PARD3B: variants seen among roughly 807,000 people sequenced by gnomAD.
PARD3B encodes the protein partitioning defective 3 homolog B.
Under a neutral mutation model 130.2 loss-of-function variants are expected in PARD3B, and 103 were observed. The ratio of observed to expected loss-of-function variants is 0.79; its 90% CI spans 0.67 to 0.93. The LOEUF (loss-of-function observed/expected upper bound fraction) is 0.93. Ranked by LOEUF, PARD3B falls within the 40% of genes least tolerant of loss-of-function variation. PARD3B has a pLI of 0.00. For synonymous variants in PARD3B, 583 were observed against 553.2 expected (o/e 1.05, Z -0.76); for missense variants, 1,609 against 1,499.2 (o/e 1.07, Z -1.21).
chr2:204,545,949 C>T lies in PARD3B; in HGVS notation c.-51C>T. 2 of 1,480,670 alleles carry T rather than the reference C, an allele frequency of 1.4e-6. No individual in the cohort carries two copies. 91.7% of individuals were successfully genotyped at this position (1,480,670 alleles called of 1,614,324 possible). On this transcript the variant is annotated 5_prime_UTR_variant, in exon 1 of 23. Transcript: ENST00000406610. The stretch of plus-strand genomic sequence containing the variant: ...CCTCCGAGAGTGGGGGCTGCGCCCG[C>T]GGGGTCAGACACCTGTTCGGCCCGG...
At chr2:205,154,038 A>G (rs1474740395) in intron 10 of PARD3B, among the ~76,000 whole-genome samples, 1 of 152,180 alleles carries the variant, frequency 6.6e-6, no homozygotes. Context: ...AAGCCAAAAT[A>G]GACAAATGAG....
Position 205,125,942 on chromosome 2 carries a change from C to T in PARD3B, c.1434+205C>T, listed in dbSNP as rs546652469. 1.4e-4 allele frequency among the ~76,000 whole-genome samples: 21 copies of T among 152,152 alleles called. No homozygotes were observed. The highest frequency in any genetic ancestry group is 1.2e-3 in the Admixed American group (18 of 15,284). ...AGTGGGTATATGTAAACAGTGATTC[C>T]GGGGCACAGATTCAAACACCTTTAG... is the stretch of plus-strand genomic sequence containing the variant. On this transcript the variant is annotated intron_variant, in intron 10 of 22. Transcript: ENST00000406610. The surrounding 1 kb of genome is among the most constrained non-coding windows in gnomAD (Gnocchi z 4.0).
chr2:205,502,321 G>T (rs1397737590), intron 21 of PARD3B, among the ~76,000 whole-genome samples: 1 of 152,090 alleles, frequency 6.6e-6, no homozygotes, highest in Non-Finnish European at 1.5e-5. Context: ...TCCTAGAAAG[G>T]CAGGTCTTTA....
intron 18 of PARD3B, among the ~76,000 whole-genome samples, chr2:205,389,932 T>C (rs373740841): frequency 3.3e-5 from 5 of 152,322 alleles, no homozygotes; most frequent in Admixed American, 2.0e-4. Context: ...TCTCAGAAAT[T>C]AACCCCCAAC....
Position 204,686,202 on chromosome 2 carries a change from A to G in PARD3B, c.142A>G (p.Ile48Val). ...REKGPGYWVK[I>V]HHLEYTDGGI... The stretch of plus-strand genomic sequence containing the variant: ...ATAGGGTCCTGGTTACTGGGTGAAG[A>G]TTCATCACTTAGAATATACAGATGG... Residue 48 changes from isoleucine to valine, a missense_variant, in exon 2 of 23, where the codon ATT becomes GTT. Transcript: ENST00000406610. The G allele has an allele frequency of 3.1e-6, 5 of 1,611,676 alleles. No homozygotes were observed. The highest frequency in any genetic ancestry group is 4.2e-6 in the Non-Finnish European group (5 of 1,177,956).
intron 2 of PARD3B, among the ~76,000 whole-genome samples, chr2:204,740,882 A>G (rs1362554074): frequency 2.0e-5 from 3 of 152,176 alleles, no homozygotes; most frequent in African/African-American, 7.2e-5. Flanking sequence ...TTGATAGTGG[A>G]TGTTTTTGTG....
intron 2 of PARD3B, among the ~76,000 whole-genome samples, chr2:204,777,641 T>C (rs762701190): frequency 2.2e-4 from 34 of 152,056 alleles, no homozygotes; most frequent in Non-Finnish European, 4.0e-4. Context: ...TTGTGGTGCA[T>C]GCTTGTGGTC....
chr2:204,806,596 T>C (rs1002904271), intron 2 of PARD3B, among the ~76,000 whole-genome samples: 1 of 152,126 alleles, frequency 6.6e-6, no homozygotes, highest in Non-Finnish European at 1.5e-5. Flanking sequence ...CAAAGATTTA[T>C]TGAGTAATAC....
At position 205,274,681 on chromosome 2, in the gene PARD3B, C is replaced by T. The variant is rs957792050; in HGVS notation, c.2186-25849C>T. 6.6e-6 allele frequency among the ~76,000 whole-genome samples: 1 copy of T among 151,984 alleles called. No individual in the cohort carries two copies. Among genetic ancestry groups the T allele is most frequent in the African/African-American group, 2.4e-5 (1 of 41,394 alleles). Reference sequence around the variant, plus strand: ...ATATCAATTATCTACCTGAATATTTCTATCTGAATATTAATTCTTCAGTTA... The same window carrying T: ...ATATCAATTATCTACCTGAATATTTTTATCTGAATATTAATTCTTCAGTTA... On this transcript the variant is annotated intron_variant, in intron 16 of 22. Transcript: ENST00000406610. The surrounding 1 kb of genome is among the most constrained non-coding windows in gnomAD (Gnocchi z 4.2).
At chr2:204,961,631 G>A (rs115611843) in intron 2 of PARD3B, among the ~76,000 whole-genome samples, 240 of 152,194 alleles carry the variant, frequency 1.6e-3, no homozygotes, top group Non-Finnish European at 2.8e-3. Context: ...AACAAATTTA[G>A]ACATATGCTC....
intron 1 of PARD3B, among the ~76,000 whole-genome samples, chr2:204,661,264 G>A (rs1357229923): frequency 6.6e-6 from 1 of 152,094 alleles, no homozygotes; most frequent in African/African-American, 2.4e-5. Flanking sequence ...TCACAGTAAA[G>A]GTGAATAAAT....
intron 2 of PARD3B, among the ~76,000 whole-genome samples, chr2:204,713,667 T>C (rs1055875427): frequency 6.6e-6 from 1 of 152,170 alleles, no homozygotes; most frequent in African/African-American, 2.4e-5. Context: ...ATGTTCACCT[T>C]TGTGGATCTG....
chr2:205,318,482 TG>T (rs1328205488), intron 18 of PARD3B, among the ~76,000 whole-genome samples: 2 of 152,156 alleles, frequency 1.3e-5, no homozygotes, highest in African/African-American at 4.8e-5. Context: ...AAAGGATCTT[TG>T]ACAGGTTAAC....
chr2:205,599,834 C>A (rs1016229170), intron 22 of PARD3B, among the ~76,000 whole-genome samples: 1 of 152,060 alleles, frequency 6.6e-6, no homozygotes, highest in Non-Finnish European at 1.5e-5. Context: ...CTGGGCTGCC[C>A]GACTTACAGT....
Position 205,036,662 on chromosome 2 carries a change from C to T in PARD3B, c.395-10919C>T, listed in dbSNP as rs546704486. 2.4e-4 allele frequency among the ~76,000 whole-genome samples: 35 copies of T among 143,114 alleles called. 1 individual carries two copies. In the South Asian group the frequency reaches 7.6e-3, roughly 31 times the overall value. 93.9% of individuals were successfully genotyped at this position (143,114 alleles called of 152,430 possible). On this transcript the variant is annotated intron_variant, in intron 3 of 22. Transcript: ENST00000406610. ...ACAAAAAGTATATATACACAGCGGA[C>T]TGTATGTACAAAAAATATATATACA...
chr2:205,383,916 A>C (rs1340411769), intron 18 of PARD3B, among the ~76,000 whole-genome samples: 1 of 152,048 alleles, frequency 6.6e-6, no homozygotes, highest in Non-Finnish European at 1.5e-5. Flanking sequence ...CTTCTAACCT[A>C]ATTTGTGATT....
intron 20 of PARD3B, among the ~76,000 whole-genome samples, chr2:205,490,645 T>C (rs1386838941): frequency 6.6e-6 from 1 of 152,166 alleles, no homozygotes; most frequent in Non-Finnish European, 1.5e-5. Flanking sequence ...GATGGCTGGG[T>C]CAAATGGTAT....
chr2:205,474,106 G>A (rs1290785109), intron 20 of PARD3B, among the ~76,000 whole-genome samples: 2 of 151,810 alleles, frequency 1.3e-5, no homozygotes, highest in African/African-American at 4.8e-5. Flanking sequence ...AAAAATACAG[G>A]CACCAAGTTT....
chr2:204,643,521 C>G (rs1411446928), intron 1 of PARD3B, among the ~76,000 whole-genome samples: 1 of 152,204 alleles, frequency 6.6e-6, no homozygotes, highest in African/African-American at 2.4e-5. Flanking sequence ...CAACCTGTGA[C>G]TCATGGGGCC....
Sources: gnomAD v4.1 joint callset for allele counts (sites outside exome capture counted in the v4.1 genomes callset) on GRCh38, gnomAD v4.1.1 for gene constraint, Gnocchi (gnomAD v3.1) non-coding constraint, MANE v1.5 for transcripts, NCBI Gene and HGNC (gene_info 2026-07-23, HGNC 2026-07-21) for gene names.